Variants in KIAA0586 observed in about 807,000 individuals in gnomAD.
KIAA0586 encodes protein TALPID3.
Under a neutral mutation model 169.8 loss-of-function variants are expected in KIAA0586, and 144 were observed. The ratio of observed to expected loss-of-function variants is 0.85; its 90% CI spans 0.74 to 0.97. The LOEUF is 0.97. KIAA0586 is among the 50% of genes least tolerant of loss of function. The pLI is 0.00. For missense variants in KIAA0586, 1,854 were observed against 1,823.0 expected, an observed-to-expected ratio of 1.02 and a Z score of -0.31; for synonymous variants, 625 against 612.4, an observed-to-expected ratio of 1.02 and a Z score of -0.30.
chr14:58,467,955 G>A, intron 16 of KIAA0586, 33 bp downstream of exon 16: 1 of 1,494,738 alleles, frequency 6.7e-7, no homozygotes. Context: ...AAAATTTTAA[G>A]GAAGAAAAAA....
At chr14:58,495,779 A>G (rs1052826639) in intron 26 of KIAA0586, among the ~76,000 whole-genome samples, 2 of 152,158 alleles carry the variant, frequency 1.3e-5, no homozygotes, top group African/African-American at 4.8e-5. Context: ...ATTGGTTCCA[A>G]GTATTCTCTA....
chr14:58,458,596 T>C (rs1419944442), intron 12 of KIAA0586, 51 bp downstream of exon 12: 2 of 991,418 alleles, frequency 2.0e-6, no homozygotes, highest in African/African-American at 3.3e-5. Flanking sequence ...GAAGATAATA[T>C]TGATTCCAAT....
intron 1 of KIAA0586, 101 bp downstream of exon 1, chr14:58,428,564 C>G (rs1359898494): frequency 1.1e-6 from 1 of 880,108 alleles, no homozygotes; most frequent in Admixed American, 3.0e-5. Context: ...CTAGTTTGTA[C>G]AGATGTTTGA....
At chr14:58,532,657 C>T (rs1017871594) in intron 29 of KIAA0586, among the ~76,000 whole-genome samples, 2 of 152,060 alleles carry the variant, frequency 1.3e-5, no homozygotes, top group Non-Finnish European at 2.9e-5. Context: ...CTGTGTAATA[C>T]ACCTCATTAT....
chr14:58,500,998 G>A (rs765965983), intron 27 of KIAA0586, among the ~76,000 whole-genome samples: 1 of 152,034 alleles, frequency 6.6e-6, no homozygotes, highest in Non-Finnish European at 1.5e-5. Context: ...TTGATTTGGG[G>A]GGTTATAAAT....
intron 25 of KIAA0586, among the ~76,000 whole-genome samples, chr14:58,491,287 T>C (rs1051780422): frequency 6.6e-6 from 1 of 152,176 alleles, no homozygotes; most frequent in African/African-American, 2.4e-5. Context: ...AATGTTGATA[T>C]TTTTACTATG....
intron 4 of KIAA0586, among the ~76,000 whole-genome samples, chr14:58,434,013 G>A (rs181826973): frequency 4.6e-5 from 7 of 152,078 alleles, no homozygotes; most frequent in East Asian, 1.9e-4. Flanking sequence ...GAAAAATAGG[G>A]AGACAGACAG....
At chr14:58,522,676 G>A (rs1256377564) in intron 29 of KIAA0586, among the ~76,000 whole-genome samples, 2 of 152,158 alleles carry the variant, frequency 1.3e-5, no homozygotes, top group African/African-American at 4.8e-5. Flanking sequence ...AGGGGTAGTT[G>A]AGAAGAATAA....
chr14:58,524,443 T>G (rs1242671635), intron 29 of KIAA0586, among the ~76,000 whole-genome samples: 1 of 152,144 alleles, frequency 6.6e-6, no homozygotes, highest in African/African-American at 2.4e-5. Context: ...CTAAAGTGAT[T>G]GTTTGCCTGA....
In KIAA0586 at chr14:58,429,253, C is replaced by A. The variant is rs78305658; in HGVS notation, c.200-110C>A. On this transcript the variant is annotated intron_variant, in intron 1 of 30. Transcript: ENST00000652326. ...CTTTTTTTGCATGCAAATTGTCTTT[C>A]CAACTTCTGCGTTATATGGAGTTTA... The A allele has an allele frequency of 1.3e-3, 815 of 628,600 alleles. 8 individuals carry two copies. The highest frequency in any genetic ancestry group is 0.01 in the East Asian group (396 of 38,166). The allele number at this position is 628,600 out of a possible 1,614,324, so 38.9% of individuals were successfully genotyped here.
intron 8 of KIAA0586, 106 bp from the exon 9 acceptor site, chr14:58,453,244 T>G: frequency 1.7e-6 from 1 of 597,602 alleles, no homozygotes; most frequent in Non-Finnish European, 2.7e-6. Context: ...GAGTAGATAA[T>G]CATCATAAGA....
intron 2 of KIAA0586, among the ~76,000 whole-genome samples, chr14:58,429,766 C>A (rs1445097773): frequency 6.6e-6 from 1 of 152,092 alleles, no homozygotes; most frequent in Admixed American, 6.6e-5. Flanking sequence ...GAACAACTAA[C>A]AGTACAATTT....
Position 58,427,737 on chromosome 14 carries a change from C to T in KIAA0586, c.-528C>T. 6.5e-7 allele frequency: 1 copy of T among 1,534,024 alleles called. No individual in the cohort carries two copies. Among genetic ancestry groups the T allele is most frequent in the South Asian group, 1.2e-5 (1 of 83,928 alleles). On this transcript the variant is annotated 5_prime_UTR_variant, in exon 1 of 31. Transcript: ENST00000652326. ...AACTGACGCTGTTGTCAGATTACAC[C>T]CACGACGGTGCGGGTCTCGGGCGTT...
chr14:58,518,073 C>T (rs889150548), intron 29 of KIAA0586, among the ~76,000 whole-genome samples: 32 of 152,008 alleles, frequency 2.1e-4, no homozygotes, highest in Non-Finnish European at 3.8e-4. Context: ...AAGAATTTTT[C>T]AATGGTTAGT....
chr14:58,530,470 C>G (rs993249576), intron 29 of KIAA0586, among the ~76,000 whole-genome samples: 1 of 152,202 alleles, frequency 6.6e-6, no homozygotes, highest in Non-Finnish European at 1.5e-5. Flanking sequence ...ACCAAAACAG[C>G]ATGGTACTGG....
intron 9 of KIAA0586, 119 bp downstream of exon 9, chr14:58,453,592 G>C (rs578185884): frequency 1.5e-6 from 1 of 662,510 alleles, no homozygotes; most frequent in Non-Finnish European, 2.4e-6. Flanking sequence ...CTTAGATTTA[G>C]TTACTATTTT....
intron 30 of KIAA0586, among the ~76,000 whole-genome samples, chr14:58,545,545 G>C (rs2140139639): frequency 6.6e-6 from 1 of 152,290 alleles, no homozygotes; most frequent in East Asian, 1.9e-4. Context: ...TTGTTTGTAT[G>C]AGTGGAAAAT....
chr14:58,528,116 C>A (rs187025699), intron 29 of KIAA0586, among the ~76,000 whole-genome samples: 1 of 152,144 alleles, frequency 6.6e-6, no homozygotes, highest in Admixed American at 6.5e-5. Flanking sequence ...AAGGTTATTA[C>A]GTAATGGTAA....
chr14:58,545,959 G>A (rs1595560590), intron 30 of KIAA0586, among the ~76,000 whole-genome samples: 1 of 152,032 alleles, frequency 6.6e-6, no homozygotes, highest in African/African-American at 2.4e-5. Context: ...GCTTGAGCCT[G>A]TGAGGTTGAG....
Sources: gnomAD v4.1 joint callset for allele counts (sites outside exome capture counted in the v4.1 genomes callset) on GRCh38, gnomAD v4.1.1 for gene constraint, MANE v1.5 for transcripts, NCBI Gene and HGNC (gene_info 2026-07-23, HGNC 2026-07-21) for gene names.